Variants in TRHDE observed in about 807,000 individuals in gnomAD.
TRHDE encodes thyrotropin-releasing hormone-degrading ectoenzyme.
Under a neutral mutation model 125.7 loss-of-function variants are expected in TRHDE, and 72 were observed. The observed-to-expected ratio is 0.57, with a 90% confidence interval of 0.47 to 0.70. TRHDE has a LOEUF of 0.70. Among genes scored for constraint, TRHDE ranks in the 30% least tolerant of loss-of-function variants. The pLI, the probability that TRHDE is intolerant of heterozygous loss-of-function variation, is 0.00. For missense variants in TRHDE, 1,110 were observed against 1,327.1 expected (o/e 0.84, Z 2.54); for synonymous variants, 509 against 509.1 (o/e 1.00, Z 0.00).
At chr12:72,310,241 A>C (rs1476258413) in intron 2 of TRHDE, among the ~76,000 whole-genome samples, 1 of 152,154 alleles carries the variant, frequency 6.6e-6, no homozygotes, top group African/African-American at 2.4e-5. Flanking sequence ...TCCACCTCAT[A>C]GGGTTGTTGT....
rs1194574428 is a variant in TRHDE, at chr12:72,653,015, G to T, written c.2844-1G>T. 3 of 1,592,422 alleles carry T rather than the reference G, an allele frequency of 1.9e-6. No individual in the cohort carries two copies. The highest frequency in any genetic ancestry group is 2.6e-6 in the Non-Finnish European group (3 of 1,171,382). ...ATTTTTACAAAATTCTATCTTTGAA[G>T]GCTTCTAAATCTGTCACTGAATTCT... On this transcript the variant is annotated splice_acceptor_variant, in intron 16 of 18. Coordinates refer to ENST00000261180, the MANE Select transcript of TRHDE (RefSeq NM_013381.3). LOFTEE classifies it high-confidence loss of function.
At chr12:72,324,931 T>A (rs1253927794) in intron 2 of TRHDE, among the ~76,000 whole-genome samples, 1 of 152,082 alleles carries the variant, frequency 6.6e-6, no homozygotes, top group Admixed American at 6.6e-5. Context: ...ATGGCTTGAC[T>A]TTTCAGGAAC....
intron 5 of TRHDE, among the ~76,000 whole-genome samples, chr12:72,481,107 T>C (rs550657679): frequency 5.7e-4 from 86 of 152,070 alleles, no homozygotes; most frequent in Non-Finnish European, 9.1e-4. Flanking sequence ...GAAAAATTCA[T>C]TAATTTTCTA....
intron 2 of TRHDE, among the ~76,000 whole-genome samples, chr12:72,124,811 A>G (rs1190157491): frequency 6.6e-6 from 1 of 152,174 alleles, no homozygotes; most frequent in East Asian, 1.9e-4. Flanking sequence ...TGTGAAGCTG[A>G]GGTTGGCAGG....
chr12:72,400,916 G>T (rs141338023), intron 3 of TRHDE, among the ~76,000 whole-genome samples: 1 of 152,022 alleles, frequency 6.6e-6, no homozygotes. Context: ...TTCTTCTTGG[G>T]TTACTATATT....
chr12:72,217,702 CAG>C (rs1312730817), intron 2 of TRHDE, among the ~76,000 whole-genome samples: 6 of 152,060 alleles, frequency 3.9e-5, no homozygotes, highest in Admixed American at 3.9e-4. Flanking sequence ...CTAAGTGAAA[CAG>C]AGATGCTTTC....
intron 3 of TRHDE, among the ~76,000 whole-genome samples, chr12:72,464,085 A>G (rs1445096244): frequency 6.6e-6 from 1 of 152,184 alleles, no homozygotes; most frequent in Non-Finnish European, 1.5e-5. Flanking sequence ...CCAGATTAAA[A>G]GGGGAGAGGC....
chr12:72,614,965 A>G (rs906868847), intron 12 of TRHDE, among the ~76,000 whole-genome samples: 2 of 152,132 alleles, frequency 1.3e-5, no homozygotes, highest in Admixed American at 6.6e-5. Flanking sequence ...ACCTAAAGAT[A>G]TATTTTATTT....
chr12:72,330,199 G>T (rs1592548607), intron 2 of TRHDE, among the ~76,000 whole-genome samples: 2 of 152,042 alleles, frequency 1.3e-5, no homozygotes, highest in South Asian at 4.1e-4. Flanking sequence ...GCTGCTTAAC[G>T]GCCTGGCCTT....
upstream of TRHDE, among the ~76,000 whole-genome samples, chr12:72,270,285 G>A (rs1025053084): frequency 2.0e-5 from 3 of 151,306 alleles, no homozygotes; most frequent in Non-Finnish European, 4.5e-5. Context: ...CATACAACAT[G>A]CTTAAAAAAT....
intron 3 of TRHDE, among the ~76,000 whole-genome samples, chr12:72,411,218 A>C (rs1029778692): frequency 1.3e-5 from 2 of 151,708 alleles, no homozygotes; most frequent in Admixed American, 1.3e-4. Flanking sequence ...AAAAAAAAAA[A>C]AAACCATACA....
intron 2 of TRHDE, among the ~76,000 whole-genome samples, chr12:72,114,770 T>C (rs767605675): frequency 4.0e-5 from 6 of 151,760 alleles, no homozygotes; most frequent in Non-Finnish European, 7.4e-5. Context: ...GTGCAGAGAG[T>C]AAAGAATGTG....
At chr12:72,206,573 A>G (rs569670988) in intron 2 of TRHDE, among the ~76,000 whole-genome samples, 1 of 152,112 alleles carries the variant, frequency 6.6e-6, no homozygotes, top group Admixed American at 6.5e-5. Flanking sequence ...CCTGTTGGTT[A>G]TATATCTGTC....
intron 6 of TRHDE, among the ~76,000 whole-genome samples, chr12:72,524,568 C>A (rs1868301194): frequency 6.6e-6 from 1 of 152,108 alleles, no homozygotes; most frequent in Non-Finnish European, 1.5e-5. Flanking sequence ...TATTATGGAT[C>A]TAGCAGGATG....
chr12:72,328,256 C>T (rs1451837903), intron 2 of TRHDE, among the ~76,000 whole-genome samples: 1 of 152,130 alleles, frequency 6.6e-6, no homozygotes, highest in African/African-American at 2.4e-5. Context: ...GTGGGCTAGG[C>T]ATTCAAGGAC....
intron 5 of TRHDE, among the ~76,000 whole-genome samples, chr12:72,486,158 G>C (rs1262800682): frequency 6.6e-6 from 1 of 152,156 alleles, no homozygotes; most frequent in Non-Finnish European, 1.5e-5. Flanking sequence ...CAAAACTACA[G>C]CCACACCCCA....
chr12:72,265,296 A>G (rs1879040479), intron 2 of TRHDE, among the ~76,000 whole-genome samples: 2 of 151,996 alleles, frequency 1.3e-5, no homozygotes, highest in South Asian at 4.1e-4. Context: ...TGGATCCCCA[A>G]ATATATTTTT....
At chr12:72,288,341 A>C (rs1311966321) in intron 2 of TRHDE, among the ~76,000 whole-genome samples, 1 of 152,174 alleles carries the variant, frequency 6.6e-6, no homozygotes, top group Non-Finnish European at 1.5e-5. Context: ...GGACCTGTTT[A>C]AAAAATAAAA....
chr12:72,180,823 G>T (rs1215216402), intron 2 of TRHDE, among the ~76,000 whole-genome samples: 2 of 152,184 alleles, frequency 1.3e-5, no homozygotes, highest in Non-Finnish European at 2.9e-5. Context: ...CATGTACCTG[G>T]CAGAGCCACG....
Sources: allele counts gnomAD v4.1 joint callset (sites outside exome capture counted in the v4.1 genomes callset), GRCh38; gene constraint gnomAD v4.1.1; transcripts MANE v1.5; gene names NCBI Gene and HGNC (gene_info 2026-07-23, HGNC 2026-07-21).